Variants in ARHGEF16 observed in about 807,000 individuals in gnomAD.
The protein encoded by ARHGEF16 is Rho guanine nucleotide exchange factor 16, also known as Rho guanine exchange factor (GEF) 16.
A neutral mutation model predicts 74.1 loss-of-function variants in ARHGEF16; 59 were observed. The ratio of observed to expected loss-of-function variants is 0.80; its 90% CI spans 0.65 to 0.99. The LOEUF is 0.99. Among genes scored for constraint, ARHGEF16 ranks in the 50% least tolerant of loss-of-function variants. The probability of loss-of-function intolerance (pLI) is 0.00; values close to 1 mark genes in which losing one functional copy is unlikely to be tolerated. For missense variants in ARHGEF16, 948 were observed against 986.6 expected, an observed-to-expected ratio of 0.96 and a Z score of 0.52; for synonymous variants, 415 against 412.6, an observed-to-expected ratio of 1.01 and a Z score of -0.07.
intron 1 of ARHGEF16, among the ~76,000 whole-genome samples, chr1:3,456,842 G>A (rs1173697208): frequency 2.6e-5 from 4 of 152,232 alleles, no homozygotes; most frequent in African/African-American, 4.8e-5. Context: ...ATTCAGAGCC[G>A]GAGCTGGGGA....
chr1:3,471,735 C>T (rs201158604), intron 6 of ARHGEF16: 99 of 1,210,562 alleles, frequency 8.2e-5, no homozygotes, highest in Non-Finnish European at 9.5e-5. Context: ...CCCAGCTGGG[C>T]CCCCGACAGC....
chr1:3,474,782 G>A lies in ARHGEF16; in HGVS notation c.1380G>A (p.Lys460=), dbSNP rs755616035. 3.1e-6 allele frequency: 5 copies of A among 1,612,770 alleles called. No homozygotes were observed. Among genetic ancestry groups the A allele is most frequent in the Admixed American group, 1.7e-5 (1 of 60,022 alleles). Residue 460 remains lysine (K), a splice_region_variant and synonymous_variant, in exon 9 of 15, where the codon AAG becomes AAA. Coordinates refer to ENST00000378378, the MANE Select transcript of ARHGEF16 (RefSeq NM_014448.4). Reference sequence around the variant, plus strand: ...GCCGTGCACTGAAGGCCATCAGCAAGGTAAGATGGGGCCTGGCCCCAGCCC... The same window carrying A: ...GCCGTGCACTGAAGGCCATCAGCAAAGTAAGATGGGGCCTGGCCCCAGCCC... ...AASRALKAIS[K]LVRQCNEGAH... is the part of the protein sequence containing the mutation.
chr1:3,478,872 T>G (rs1289218537), intron 12 of ARHGEF16, among the ~76,000 whole-genome samples: 16 of 122,118 alleles, frequency 1.3e-4, no homozygotes, highest in East Asian at 2.2e-4. Context: ...AGGTGGGGGG[T>G]GGGGTGCGGG....
chr1:3,477,763 G>A, intron 10 of ARHGEF16, 112 bp from the exon 11 acceptor site: 2 of 998,946 alleles, frequency 2.0e-6, no homozygotes, highest in South Asian at 1.5e-5. Context: ...AGAGGCAGGA[G>A]TCAGTCCCAC....
intron 6 of ARHGEF16, chr1:3,472,710 T>C: frequency 5.7e-6 from 1 of 174,154 alleles, no homozygotes; most frequent in Non-Finnish European, 1.2e-5. Flanking sequence ...GGAAGGAGCT[T>C]GAAGGGCGAA....
intron 2 of ARHGEF16, among the ~76,000 whole-genome samples, chr1:3,464,884 C>T (rs1255940745): frequency 6.6e-6 from 1 of 152,202 alleles, no homozygotes; most frequent in East Asian, 1.9e-4. Context: ...CAGTGCCAGC[C>T]TCAGGAGACG....
Position 3,463,551 on chromosome 1 carries a change from CG to C in ARHGEF16, c.469del (p.Ala157ProfsTer2). The C allele has an allele frequency of 6.8e-7, 1 of 1,460,728 alleles. No homozygotes were observed. Among genetic ancestry groups the C allele is most frequent in the Non-Finnish European group, 9.1e-7 (1 of 1,102,704 alleles). The allele number at this position is 1,460,728 out of a possible 1,614,324, so 90.5% of individuals were successfully genotyped here. On this transcript the variant is annotated frameshift_variant, in exon 2 of 15. Coordinates refer to ENST00000378378, the MANE Select transcript of ARHGEF16 (RefSeq NM_014448.4). LOFTEE classifies it high-confidence loss of function. ...AACCTGCGGAACCAATCCTACCGGG[CG>C]GCCATGAAGGGCCTGGGGAAGCCAG... ...RRNLRNQSYR[A>X]AMKGLGKPGG...
chr1:3,479,586 A>C lies in ARHGEF16; in HGVS notation c.1884A>C (p.Lys628Asn). 1 of 1,611,664 alleles carries C rather than the reference A, an allele frequency of 6.2e-7. No individual in the cohort carries two copies. The highest frequency in any genetic ancestry group is 1.1e-5 in the South Asian group (1 of 90,930). The part of the protein sequence containing the change: ...SERQWQGLSS[K>N]GDLPQVEITK... ...GACAGTGGCAGGGCCTCTCCAGCAA[A>C]GGAGGTGAGTGCGGGCTGGGGCCTG... Residue 628 changes from lysine (K) to asparagine (N), a missense_variant, in exon 13 of 15, where the codon AAA (lysine) becomes AAC (asparagine). Coordinates refer to ENST00000378378, the MANE Select transcript of ARHGEF16 (RefSeq NM_014448.4).
At chr1:3,462,105 G>A (rs896952385) in intron 1 of ARHGEF16, among the ~76,000 whole-genome samples, 24 of 152,078 alleles carry the variant, frequency 1.6e-4, no homozygotes, top group African/African-American at 4.1e-4. Context: ...TGGCGGGGGC[G>A]GGGCAGCCCA....
rs778436079 is a variant in ARHGEF16 at position 3,473,056 on chromosome 1, C to G, written c.1023-22C>G. The G allele has an allele frequency of 1.2e-5, 19 of 1,608,336 alleles. No homozygotes were observed. The Admixed American group carries it at 3.2e-4, about 27-fold the overall frequency. On this transcript the variant is annotated intron_variant, in intron 6 of 14. Coordinates refer to ENST00000378378, the MANE Select transcript of ARHGEF16 (RefSeq NM_014448.4). ...CCGACCACCAGGCCCGTGGCACCCT[C>G]CTCACCCCTCCTTGCCTTCAGGTTC... is the stretch of plus-strand genomic sequence containing the variant.
At chr1:3,475,875 C>A in intron 9 of ARHGEF16, 95 bp from the exon 10 acceptor site, 1 of 1,285,516 alleles carries the variant, frequency 7.8e-7, no homozygotes, top group Non-Finnish European at 1.1e-6. Flanking sequence ...CAGCCAGAGG[C>A]TGGCTGGGCA....
Position 3,467,240 on chromosome 1 carries a change from A to G in ARHGEF16, c.707A>G (p.Asp236Gly), listed in dbSNP as rs961080701. The change falls in exon 4 of 15, where the codon GAT becomes GGT. Residue 236 changes from aspartate (D) to glycine (G), a missense_variant. By Grantham distance (94) the Asp-to-Gly change is moderately conservative. Coordinates refer to ENST00000378378, the MANE Select transcript of ARHGEF16 (RefSeq NM_014448.4). ...CAGGAGTCTGATGACGACATCCTCG[A>G]TGAGTCCTCCAGCCCCGAGGGAACC... is the stretch of plus-strand genomic sequence containing the variant. The part of the protein sequence containing the change: ...TSQESDDDIL[D>G]ESSSPEGTQK... The G allele has an allele frequency of 6.5e-7, 1 of 1,550,372 alleles. No homozygotes were observed. The highest frequency in any genetic ancestry group is 1.4e-5 in the African/African-American group (1 of 73,042).
chr1:3,455,041 G>GC (rs1026147229), intron 1 of ARHGEF16, among the ~76,000 whole-genome samples: 19 of 147,518 alleles, frequency 1.3e-4, no homozygotes, highest in Admixed American at 1.0e-3. Flanking sequence ...CTTTGGACCC[G>GC]CCCCCCCACA....
At chr1:3,456,360 C>T (rs953566023) in intron 1 of ARHGEF16, among the ~76,000 whole-genome samples, 3 of 152,240 alleles carry the variant, frequency 2.0e-5, no homozygotes, top group Non-Finnish European at 4.4e-5. Context: ...AGGCGCTCCC[C>T]GCGAGTTTGG....
intron 2 of ARHGEF16, among the ~76,000 whole-genome samples, chr1:3,465,741 A>G (rs1639524751): frequency 6.6e-6 from 1 of 152,102 alleles, no homozygotes; most frequent in African/African-American, 2.4e-5. Flanking sequence ...TGGGGCCCCC[A>G]GACCCATGCT....
In ARHGEF16 at chr1:3,473,470, C is replaced by T; in HGVS notation, c.1253C>T (p.Ser418Phe). The T allele has an allele frequency of 6.2e-7, 1 of 1,612,450 alleles. No homozygotes were observed. Among genetic ancestry groups the T allele is most frequent in the Non-Finnish European group, 8.5e-7 (1 of 1,180,018 alleles). Reference sequence around the variant, plus strand: ...GCGTGCGGGGGCCTGCCCATGCTCTCCTTCCTGATCCTCCCCATGCAGCGG... The same window carrying T: ...GCGTGCGGGGGCCTGCCCATGCTCTTCTTCCTGATCCTCCCCATGCAGCGG... ...RPACGGLPMLSFLILPMQRVT... is the reference protein window; with the variant it reads ...RPACGGLPMLFFLILPMQRVT... The change falls in exon 8 of 15, where the codon TCC becomes TTC. Residue 418 changes from serine (S) to phenylalanine (F), a missense_variant. Ser to Phe is a radical substitution (Grantham distance 155). Transcript: ENST00000378378.
intron 1 of ARHGEF16, among the ~76,000 whole-genome samples, chr1:3,460,915 G>T (rs568819061): frequency 6.6e-6 from 1 of 152,304 alleles, no homozygotes; most frequent in East Asian, 1.9e-4. Flanking sequence ...TCCTGGGAGA[G>T]TTTGGTGGCT....
chr1:3,467,047 C>T, intron 3 of ARHGEF16, 121 bp from the exon 4 acceptor site: 2 of 1,095,488 alleles, frequency 1.8e-6, no homozygotes, highest in South Asian at 3.4e-5. Flanking sequence ...CCTCCCAAAG[C>T]CTCCCTCTCC....
In ARHGEF16 at chr1:3,477,885, T is replaced by TG; in HGVS notation, c.1485dup (p.Ile496AspfsTer71). The TG allele has an allele frequency of 6.2e-7, 1 of 1,603,144 alleles. No individual in the cohort carries two copies. Among genetic ancestry groups the TG allele is most frequent in the Non-Finnish European group, 8.5e-7 (1 of 1,171,810 alleles). On this transcript the variant is annotated frameshift_variant, in exon 11 of 15. Coordinates refer to ENST00000378378, the MANE Select transcript of ARHGEF16 (RefSeq NM_014448.4). LOFTEE classifies it high-confidence loss of function. ...GCTCTGTCCCCCCAGTCCCTCCCACTGATCTCTGCCTCCCGGTGGCTGCTG... is the reference window on the plus strand; with the variant it reads ...GCTCTGTCCCCCCAGTCCCTCCCACTGGATCTCTGCCTCCCGGTGGCTGCTG...
Sources: gnomAD v4.1 joint callset for allele counts (sites outside exome capture counted in the v4.1 genomes callset) on GRCh38, gnomAD v4.1.1 for gene constraint, MANE v1.5 for transcripts, NCBI Gene and HGNC (gene_info 2026-07-23, HGNC 2026-07-21) for gene names.